The following RECQL variants were observed in gnomAD, a reference collection of about 807,000 sequenced individuals.
RECQL encodes ATP-dependent DNA helicase Q1.
RECQL carries 73 observed loss-of-function variants against 75.8 expected under a neutral mutation model. The ratio of observed to expected loss-of-function variants is 0.96; its 90% CI spans 0.80 to 1.17. RECQL has a LOEUF of 1.17. Ranked by LOEUF, RECQL falls within the 50% of genes most tolerant of loss-of-function variation. The pLI is 0.00. For synonymous variants in RECQL, 248 were observed against 254.4 expected (o/e 0.97, Z 0.24); for missense variants, 699 against 772.1 (o/e 0.91, Z 1.12).
Position 21,470,160 on chromosome 12 carries a change from C to T in RECQL, c.*34G>A. 1 of 1,606,864 alleles carries T rather than the reference C, an allele frequency of 6.2e-7. No homozygotes were observed. Among genetic ancestry groups the T allele is most frequent in the Non-Finnish European group, 8.5e-7 (1 of 1,176,698 alleles). On this transcript the variant is annotated 3_prime_UTR_variant, in exon 15 of 15. Coordinates refer to ENST00000444129, the MANE Select transcript of RECQL (RefSeq NM_002907.4). Reference sequence around the variant, plus strand: ...AAATAATGGCATATACATGCATAAACCATCTTTAATTAGAAAATTTAGTAA... The same window carrying T: ...AAATAATGGCATATACATGCATAAATCATCTTTAATTAGAAAATTTAGTAA...
intron 2 of RECQL, among the ~76,000 whole-genome samples, chr12:21,496,242 G>C (rs909032510): frequency 1.3e-5 from 2 of 152,204 alleles, no homozygotes; most frequent in Admixed American, 1.3e-4. Flanking sequence ...AATTAATAAG[G>C]CTGTGGCTCC....
intron 5 of RECQL, 28 bp downstream of exon 5, chr12:21,486,451 T>TC: frequency 7.4e-7 from 1 of 1,353,286 alleles, no homozygotes; most frequent in Non-Finnish European, 1.0e-6. Flanking sequence ...TAGTTTACAT[T>TC]AAAAAAAAAA....
rs117578528 is a variant in RECQL at position 21,480,506 on chromosome 12, G to A, written c.701-2537C>T. On this transcript the variant is annotated intron_variant, in intron 6 of 14. Transcript: ENST00000444129. The stretch of plus-strand genomic sequence containing the variant: ...TGCAAAGGGAGGGTAAATCAAGGAC[G>A]GTGTGTCATCCATTTTTTTTTTGTC... 4.1e-4 allele frequency among the ~76,000 whole-genome samples: 62 copies of A among 152,154 alleles called. No homozygotes were observed. In the East Asian group the frequency reaches 0.011, roughly 27 times the overall value.
intron 12 of RECQL, among the ~76,000 whole-genome samples, chr12:21,471,994 T>C (rs1300636134): frequency 6.6e-6 from 1 of 152,132 alleles, no homozygotes; most frequent in Non-Finnish European, 1.5e-5. Context: ...TGTTCTAGTA[T>C]AGGCTCCTGA....
At chr12:21,477,657 A>G (rs536688882) in intron 7 of RECQL, 146 bp downstream of exon 7, 14 of 550,424 alleles carry the variant, frequency 2.5e-5, no homozygotes, top group East Asian at 1.2e-4. Context: ...ATGAAGCCCT[A>G]ATCACAGAAT....
chr12:21,496,353 T>C (rs1223623895), intron 2 of RECQL, among the ~76,000 whole-genome samples: 4 of 152,364 alleles, frequency 2.6e-5, no homozygotes, highest in Admixed American at 1.3e-4. Context: ...TTATTCTCCA[T>C]ACCCATGTAC....
At position 21,492,181 on chromosome 12, in the gene RECQL, T is replaced by C. The variant is rs1224343148; in HGVS notation, c.17-465A>G. Among the ~76,000 whole-genome samples the C allele has an allele frequency of 3.3e-5, 5 of 152,242 alleles. No homozygotes were observed. The East Asian group carries it at 9.6e-4, about 29-fold the overall frequency. ...CCCTAATTACTTTGCTATTACTTTATGAAGGTATTCCTATTTGGGCTCACT... is the reference window on the plus strand; with the variant it reads ...CCCTAATTACTTTGCTATTACTTTACGAAGGTATTCCTATTTGGGCTCACT... On this transcript the variant is annotated intron_variant, in intron 2 of 14. Transcript: ENST00000444129.
At position 21,491,888 on chromosome 12, in the gene RECQL, G is replaced by A. The variant is rs4762703; in HGVS notation, c.17-172C>T. On this transcript the variant is annotated intron_variant, in intron 2 of 14. Coordinates refer to ENST00000444129, the MANE Select transcript of RECQL (RefSeq NM_002907.4). ...CATATAGACCTAAGTTAAATCTCAG[G>A]TCCTCCTTTTACCTGCTGAGTGACC... is the stretch of plus-strand genomic sequence containing the variant. Among the ~76,000 whole-genome samples the A allele has an allele frequency of 0.11, 16,142 of 152,028 alleles. 950 individuals carry two copies. Among genetic ancestry groups the A allele is most frequent in the East Asian group, 0.22 (1,127 of 5,162 alleles).
chr12:21,474,829 T>A lies in RECQL; in HGVS notation c.1355+12A>T. The A allele has an allele frequency of 3.1e-6, 5 of 1,610,606 alleles. No homozygotes were observed. Among genetic ancestry groups the A allele is most frequent in the Non-Finnish European group, 4.2e-6 (5 of 1,177,448 alleles). On this transcript the variant is annotated intron_variant, in intron 11 of 14. Transcript: ENST00000444129. ...TTAATTGATAAAAGTTATAAAAAGG[T>A]ATGTGGCTTACTTGCTTATGTTTTG...
intron 2 of RECQL, among the ~76,000 whole-genome samples, chr12:21,498,935 A>G (rs1565577759): frequency 6.6e-6 from 1 of 152,176 alleles, no homozygotes; most frequent in Non-Finnish European, 1.5e-5. Flanking sequence ...ATATAAACCA[A>G]GTTTGGGTTT....
chr12:21,494,834 T>C (rs1369973724), intron 2 of RECQL, among the ~76,000 whole-genome samples: 1 of 152,164 alleles, frequency 6.6e-6, no homozygotes, highest in Non-Finnish European at 1.5e-5. Flanking sequence ...AAGCTAGGAA[T>C]GACAGTGGGA....
rs1943613274 is a variant in RECQL, at chr12:21,501,361, A to ATCACTTTGCAGATGCTCT, written c.-238_-237insAGAGCATCTGCAAAGTGA. 6.5e-6 allele frequency: 1 copy of ATCACTTTGCAGATGCTCT among 152,768 alleles called. No homozygotes were observed. The highest frequency in any genetic ancestry group is 1.5e-5 in the Non-Finnish European group (1 of 68,402). 9.5% of individuals were successfully genotyped at this position (152,768 alleles called of 1,614,324 possible). ...GGCGAAAGGAAGTGATCCGCTACAGACCGGCCTCGCCCTGCAGCAGGAAAG... is the reference window on the plus strand; with the variant it reads ...GGCGAAAGGAAGTGATCCGCTACAGATCACTTTGCAGATGCTCTCCGGCCTCGCCCTGCAGCAGGAAAG... On this transcript the variant is annotated 5_prime_UTR_variant, in exon 1 of 15. Coordinates refer to ENST00000444129, the MANE Select transcript of RECQL (RefSeq NM_002907.4).
At chr12:21,497,792 C>G (rs116578287) in intron 2 of RECQL, among the ~76,000 whole-genome samples, 1,540 of 152,306 alleles carry the variant, frequency 0.01, 32 homozygotes, top group African/African-American at 0.034. Context: ...CATGGACTGC[C>G]ACTCACGAAG....
intron 12 of RECQL, among the ~76,000 whole-genome samples, chr12:21,473,230 G>C (rs1943017294): frequency 6.6e-6 from 1 of 151,320 alleles, no homozygotes; most frequent in African/African-American, 2.4e-5. Flanking sequence ...ATTTTTTTTT[G>C]AGACGGAGTC....
Position 21,491,297 on chromosome 12 carries a change from T to C in RECQL, c.214+222A>G, listed in dbSNP as rs185819465. Among the ~76,000 whole-genome samples the C allele has an allele frequency of 1.2e-3, 188 of 152,232 alleles. 1 individual carries two copies. Among genetic ancestry groups the C allele is most frequent in the African/African-American group, 4.1e-3 (169 of 41,548 alleles). ...TTTCTAAACATGATCAATGTTGCTG[T>C]AACAATAACTGGAAAAAAATGTCTG... On this transcript the variant is annotated intron_variant, in intron 3 of 14. Coordinates refer to ENST00000444129, the MANE Select transcript of RECQL (RefSeq NM_002907.4).
At chr12:21,481,813 C>A (rs572270500) in intron 6 of RECQL, among the ~76,000 whole-genome samples, 2 of 152,042 alleles carry the variant, frequency 1.3e-5, no homozygotes, top group South Asian at 4.2e-4. Flanking sequence ...GAAGGGAAGA[C>A]ACTGAACAGC....
intron 5 of RECQL, among the ~76,000 whole-genome samples, chr12:21,485,443 C>T (rs1943274730): frequency 6.6e-6 from 1 of 151,004 alleles, no homozygotes; most frequent in South Asian, 2.1e-4. Context: ...CCAGTTTCTT[C>T]AACAAAGAAT....
At chr12:21,472,943 C>T (rs929922049) in intron 12 of RECQL, among the ~76,000 whole-genome samples, 1 of 152,012 alleles carries the variant, frequency 6.6e-6, no homozygotes, top group Non-Finnish European at 1.5e-5. Context: ...CAAATATTTT[C>T]CTTCATTTAT....
chr12:21,499,666 T>G, intron 1 of RECQL, 51 bp from the exon 2 acceptor site: 1 of 932,048 alleles, frequency 1.1e-6, no homozygotes, highest in Non-Finnish European at 1.7e-6. Flanking sequence ...ATAGTACTAT[T>G]AATGATGTTC....
Sources: allele counts gnomAD v4.1 joint callset (sites outside exome capture counted in the v4.1 genomes callset), GRCh38; gene constraint gnomAD v4.1.1; transcripts MANE v1.5; gene names NCBI Gene and HGNC (gene_info 2026-07-23, HGNC 2026-07-21).